The following CFAP20DC variants were observed in gnomAD, a reference collection of about 807,000 sequenced individuals.
CFAP20DC encodes protein CFAP20DC.
In CFAP20DC, 84 loss-of-function variants were observed where a neutral mutation model predicts 101.7. The observed-to-expected ratio is 0.83, with a 90% CI of 0.69 to 0.99. CFAP20DC has a LOEUF of 0.99. CFAP20DC is among the 50% of genes least tolerant of loss of function. The probability of loss-of-function intolerance (pLI) is 0.00; values close to 1 mark genes in which losing one functional copy is unlikely to be tolerated. For missense variants in CFAP20DC, 1,007 were observed against 970.3 expected (o/e 1.04, Z -0.50); for synonymous variants, 359 against 351.2 (o/e 1.02, Z -0.25).
In CFAP20DC at chr3:58,964,380, G is replaced by A. The variant is rs937181597; in HGVS notation, c.279-26618C>T. 9.2e-5 allele frequency among the ~76,000 whole-genome samples: 14 copies of A among 152,282 alleles called. No individual in the cohort carries two copies. Among genetic ancestry groups the A allele is most frequent in the African/African-American group, 2.2e-4 (9 of 41,560 alleles). ...CTCCACCCCAAGGTGGGCATGTAAC[G>A]TGTATGTTTCCTTATCACTCATGCA... On this transcript the variant is annotated intron_variant, in intron 4 of 16. Transcript: ENST00000482387. This position sits in a 1 kb window ranked among gnomAD's most constrained non-coding sequence, Gnocchi z 4.1.
At chr3:58,923,590 G>C (rs2107572740) in intron 5 of CFAP20DC, among the ~76,000 whole-genome samples, 2 of 152,184 alleles carry the variant, frequency 1.3e-5, no homozygotes, top group East Asian at 3.9e-4. Context: ...ATGGGAAGTT[G>C]GTAACAAGCT....
intron 4 of CFAP20DC, chr3:59,018,492 C>T (rs2093734983): frequency 6.6e-6 from 1 of 152,030 alleles, no homozygotes. Flanking sequence ...ACATCATAAG[C>T]CTCCTGATAA....
At chr3:58,843,752 G>A (rs992251581) in intron 13 of CFAP20DC, among the ~76,000 whole-genome samples, 6 of 151,056 alleles carry the variant, frequency 4.0e-5, no homozygotes, top group African/African-American at 1.5e-4. Flanking sequence ...AATGTTAAGG[G>A]AAGCCAGAGA....
At chr3:58,811,216 T>C (rs1238133578) in intron 14 of CFAP20DC, among the ~76,000 whole-genome samples, 1 of 152,062 alleles carries the variant, frequency 6.6e-6, no homozygotes, top group African/African-American at 2.4e-5. Flanking sequence ...TTAAAGTTCA[T>C]ACGGAACCAA....
At chr3:58,720,143 G>T (rs1055245042) in intron 3 of CFAP20DC, among the ~76,000 whole-genome samples, 2 of 152,214 alleles carry the variant, frequency 1.3e-5, no homozygotes, top group African/African-American at 4.8e-5. Flanking sequence ...TTCATCTTGT[G>T]CTGTTGTCCA....
In CFAP20DC at chr3:59,015,589, G is replaced by C. The variant is rs1008671661; in HGVS notation, c.278+23968C>G. On this transcript the variant is annotated intron_variant, in intron 4 of 16. Transcript: ENST00000482387. This position sits in a 1 kb window ranked among gnomAD's most constrained non-coding sequence, Gnocchi z 5.4. ...GGGTTGGAGGGTGGAGGAGGAAGAAGGGCTATAGATCCCTAGAAACAGCAT... is the reference window on the plus strand; with the variant it reads ...GGGTTGGAGGGTGGAGGAGGAAGAACGGCTATAGATCCCTAGAAACAGCAT... 1.3e-5 allele frequency among the ~76,000 whole-genome samples: 2 copies of C among 151,842 alleles called. No individual in the cohort carries two copies. Among genetic ancestry groups the C allele is most frequent in the African/African-American group, 2.4e-5 (1 of 41,356 alleles).
intron 15 of CFAP20DC, among the ~76,000 whole-genome samples, chr3:58,779,872 G>A (rs1178510538): frequency 6.6e-6 from 1 of 151,988 alleles, no homozygotes; most frequent in African/African-American, 2.4e-5. Flanking sequence ...TCCCCAAACA[G>A]GTATAATTCA....
At chr3:58,858,682 C>T (rs1406853556) in intron 12 of CFAP20DC, among the ~76,000 whole-genome samples, 4 of 152,012 alleles carry the variant, frequency 2.6e-5, no homozygotes. Flanking sequence ...CTTAAAAATT[C>T]TGTAAAAAAA....
At chr3:58,764,815 G>GA (rs2070111016) in intron 15 of CFAP20DC, among the ~76,000 whole-genome samples, 1 of 152,060 alleles carries the variant, frequency 6.6e-6, no homozygotes, top group African/African-American at 2.4e-5. Context: ...TCCTCTTGAG[G>GA]ACTCAGGTAT....
At chr3:58,935,413 G>GA (rs1220198163) in intron 5 of CFAP20DC, among the ~76,000 whole-genome samples, 3 of 151,764 alleles carry the variant, frequency 2.0e-5, no homozygotes, top group African/African-American at 4.8e-5. Context: ...CACAGAATTG[G>GA]AAAAAACTAC....
chr3:58,801,922 C>A (rs1186430666), intron 15 of CFAP20DC, among the ~76,000 whole-genome samples: 1 of 152,158 alleles, frequency 6.6e-6, no homozygotes, highest in East Asian at 1.9e-4. Context: ...GAAAATCATG[C>A]CATTCTTGCT....
rs1333902712 is a variant in CFAP20DC at position 58,729,627 on chromosome 3, T to C, written c.198-11999A>G. 6.6e-6 allele frequency among the ~76,000 whole-genome samples: 1 copy of C among 152,228 alleles called. No individual in the cohort carries two copies. The highest frequency in any genetic ancestry group is 1.9e-4 in the East Asian group (1 of 5,198). On this transcript the variant is annotated intron_variant, in intron 3 of 3. Transcript: ENST00000486145. The surrounding 1 kb of genome is among the most constrained non-coding windows in gnomAD (Gnocchi z 4.4). Reference sequence around the variant, plus strand: ...GTTGTGTCTTTCTAATTCATATGGCTTTTATTTTTAATTCTGGCTTTATTT... The same window carrying C: ...GTTGTGTCTTTCTAATTCATATGGCCTTTATTTTTAATTCTGGCTTTATTT...
chr3:59,049,312 T>C (rs1313386066), intron 1 of CFAP20DC, among the ~76,000 whole-genome samples: 2 of 152,236 alleles, frequency 1.3e-5, no homozygotes, highest in African/African-American at 4.8e-5. Flanking sequence ...GCCCTCAAGA[T>C]TCTGATTCAG....
At position 59,003,219 on chromosome 3, in the gene CFAP20DC, A is replaced by AT. The variant is rs1020241811; in HGVS notation, c.278+36337dup. On this transcript the variant is annotated intron_variant, in intron 4 of 16. Transcript: ENST00000482387. ...ACAACCTAGTTGCTTATTTCTCTCT[A>AT]TTTTTTTTATAAGACAACAGATAGA... Among the ~76,000 whole-genome samples the AT allele has an allele frequency of 1.8e-4, 27 of 151,306 alleles. No homozygotes were observed. The South Asian group carries it at 4.0e-3, about 23-fold the overall frequency.
rs748007017 is a variant in CFAP20DC at position 58,753,857 on chromosome 3, C to G, written c.2244G>C (p.Trp748Cys). 20 of 1,607,146 alleles carry G rather than the reference C, an allele frequency of 1.2e-5. No individual in the cohort carries two copies. Among genetic ancestry groups the G allele is most frequent in the Non-Finnish European group, 1.7e-5 (20 of 1,175,870 alleles). Residue 748 changes from tryptophan to cysteine, a missense_variant, in exon 16 of 17, where the codon TGG becomes TGC. Transcript: ENST00000482387. Reference sequence around the variant, plus strand: ...CGATTGGTGGGCTCAACATATTTAACCAGTCCCTAAAAAGAAAACAAAGTG... The same window carrying G: ...CGATTGGTGGGCTCAACATATTTAAGCAGTCCCTAAAAAGAAAACAAAGTG... ...NPPSPSNPRD[W>C]LNMLSPPIVP...
chr3:58,866,484 TTCAAAATGAC>T, intron 11 of CFAP20DC, 72 bp downstream of exon 11: 1 of 1,260,606 alleles, frequency 7.9e-7, no homozygotes, highest in South Asian at 1.7e-5. Context: ...ATCACCACTT[TTCAAAATGAC>T]TGGATTTGAA....
rs1398362972 is a variant in CFAP20DC at position 58,927,358 on chromosome 3, T to C, written c.393+10290A>G. 2.0e-5 allele frequency among the ~76,000 whole-genome samples: 3 copies of C among 152,150 alleles called. No homozygotes were observed. The East Asian group carries it at 5.8e-4, about 30-fold the overall frequency. ...GACCATTCGGCAATTATCCTGTAAA[T>C]CAAGGGTTGCCAATGTACACCTAGA... On this transcript the variant is annotated intron_variant, in intron 5 of 16. Transcript: ENST00000482387.
Position 58,799,915 on chromosome 3 carries a change from C to A in CFAP20DC, c.2237+6480G>T, listed in dbSNP as rs1321465759. Among the ~76,000 whole-genome samples the A allele has an allele frequency of 6.6e-6, 1 of 152,180 alleles. No individual in the cohort carries two copies. Among genetic ancestry groups the A allele is most frequent in the South Asian group, 2.1e-4 (1 of 4,830 alleles). On this transcript the variant is annotated intron_variant, in intron 15 of 16. Transcript: ENST00000482387. This position sits in a 1 kb window ranked among gnomAD's most constrained non-coding sequence, Gnocchi z 4.9. Reference sequence around the variant, plus strand: ...GAGAGGATGTTTATTTACGTGGAGACTCTACTGACAGGGAGAGGCAGCTGG... The same window carrying A: ...GAGAGGATGTTTATTTACGTGGAGAATCTACTGACAGGGAGAGGCAGCTGG...
At chr3:58,777,663 C>T (rs1311210055) in intron 15 of CFAP20DC, among the ~76,000 whole-genome samples, 1 of 152,178 alleles carries the variant, frequency 6.6e-6, no homozygotes, top group Non-Finnish European at 1.5e-5. Context: ...ACAGGACAGA[C>T]TTAAATATTA....
Sources: allele counts gnomAD v4.1 joint callset (sites outside exome capture counted in the v4.1 genomes callset), GRCh38; gene constraint gnomAD v4.1.1; non-coding constraint Gnocchi (gnomAD v3.1); transcripts MANE v1.5; gene names NCBI Gene and HGNC (gene_info 2026-07-23, HGNC 2026-07-21).